The following POLR1B variants were observed in gnomAD, a reference collection of about 807,000 sequenced individuals.
POLR1B encodes the protein RNA polymerase I subunit B.
Under a neutral mutation model 105.8 loss-of-function variants are expected in POLR1B, and 30 were observed. The observed-to-expected ratio is 0.28, with a 90% confidence interval of 0.21 to 0.38. The LOEUF (loss-of-function observed/expected upper bound fraction) is 0.38. POLR1B is among the 10% of genes least tolerant of loss of function. The probability of loss-of-function intolerance (pLI) is 1.00; values close to 1 mark genes in which losing one functional copy is unlikely to be tolerated. For missense variants in POLR1B, 976 were observed against 1,435.8 expected (o/e 0.68, Z 5.17); for synonymous variants, 485 against 505.1 (o/e 0.96, Z 0.53).
intron 1 of POLR1B, chr2:112,545,702 T>A: frequency 6.1e-6 from 1 of 163,824 alleles, no homozygotes; most frequent in South Asian, 1.2e-4. Flanking sequence ...TGCAGTGGCA[T>A]GGTTATAGCT....
chr2:112,564,634 G>T lies in POLR1B; in HGVS notation c.1746+135G>T, dbSNP rs533781532. ...GGGTCACAATGTCCAGAATGCCTGT[G>T]CATTCCCTCTGGTGACAGAGGCTTG... On this transcript the variant is annotated intron_variant, in intron 10 of 14. Transcript: ENST00000263331. 7 of 1,212,904 alleles carry T rather than the reference G, an allele frequency of 5.8e-6. No individual in the cohort carries two copies. The African/African-American group carries it at 9.0e-5, about 16-fold the overall frequency. 75.1% of individuals were successfully genotyped at this position (1,212,904 alleles called of 1,614,324 possible). A position where few individuals can be genotyped will look rare whatever the true frequency, so the allele number is the denominator to read the frequency against.
chr2:112,548,702 T>G (rs1321443713), intron 3 of POLR1B, among the ~76,000 whole-genome samples: 1 of 151,762 alleles, frequency 6.6e-6, no homozygotes, highest in Non-Finnish European at 1.5e-5. Context: ...AAGCTCCGCC[T>G]CCTGGGTTCA....
chr2:112,556,285 G>A (rs1047390381), intron 7 of POLR1B, among the ~76,000 whole-genome samples: 2 of 152,198 alleles, frequency 1.3e-5, no homozygotes, highest in African/African-American at 4.8e-5. Context: ...TGTTGGGTGA[G>A]CTAACAGCTT....
At position 112,575,025 on chromosome 2, in the gene POLR1B, A is replaced by T. The variant is rs1345817413; in HGVS notation, c.2704A>T (p.Met902Leu). 1.2e-6 allele frequency: 2 copies of T among 1,614,204 alleles called. No individual in the cohort carries two copies. The highest frequency in any genetic ancestry group is 1.7e-6 in the Non-Finnish European group (2 of 1,180,040). Residue 902 changes from methionine to leucine, a missense_variant, in exon 15 of 15, where the codon ATG becomes TTG. By Grantham distance (15) the Met-to-Leu change is conservative (BLOSUM62 2). Coordinates refer to ENST00000263331, the MANE Select transcript of POLR1B (RefSeq NM_019014.6). The surrounding 1 kb of genome is among the most constrained non-coding windows in gnomAD (Gnocchi z 5.3). ...AAGCAGATTGTGGCCGGCTGAGGAC[A>T]TGCCTTTTACTGAGAGTGGGATGGT... Reference protein sequence around the residue: ...ILSRLWPAEDMPFTESGMVPD... With the variant: ...ILSRLWPAEDLPFTESGMVPD...
intron 9 of POLR1B, among the ~76,000 whole-genome samples, chr2:112,561,587 G>A (rs375683219): frequency 3.9e-5 from 6 of 151,956 alleles, no homozygotes; most frequent in African/African-American, 1.2e-4. Context: ...TTCAAGCCTC[G>A]GGTTACAACA....
At chr2:112,574,755 A>G (rs1684781803) in intron 14 of POLR1B, 92 bp from the exon 15 acceptor site, 1 of 1,155,274 alleles carries the variant, frequency 8.7e-7, no homozygotes. Flanking sequence ...AGTTTTACAA[A>G]TATCCTTTAT....
At chr2:112,553,376 T>C (rs575709828) in intron 7 of POLR1B, 1 of 152,432 alleles carries the variant, frequency 6.6e-6, no homozygotes, top group South Asian at 2.1e-4. Context: ...TTTGTTTTTT[T>C]TTGAGACAGG....
chr2:112,561,741 T>G (rs555450396), intron 9 of POLR1B, among the ~76,000 whole-genome samples: 1 of 152,330 alleles, frequency 6.6e-6, no homozygotes, highest in African/African-American at 2.4e-5. Flanking sequence ...ACACACATGT[T>G]TTTCTGTTAG....
intron 1 of POLR1B, among the ~76,000 whole-genome samples, chr2:112,543,651 A>C (rs1163716605): frequency 6.6e-6 from 1 of 152,134 alleles, no homozygotes; most frequent in Non-Finnish European, 1.5e-5. Context: ...TTTGATTGCC[A>C]GTCTGATTCT....
At position 112,578,614 on chromosome 2, in the gene POLR1B, T is replaced by C. The variant is rs1684968722; in HGVS notation, c.*2885T>C. On this transcript the variant is annotated 3_prime_UTR_variant, in exon 15 of 15. Coordinates refer to ENST00000263331, the MANE Select transcript of POLR1B (RefSeq NM_019014.6). ...TTTGGTTGTTTCCAGTTTGGGGGCATTAACAATAAAGCTGATCTGAACAAT... is the reference window on the plus strand; with the variant it reads ...TTTGGTTGTTTCCAGTTTGGGGGCACTAACAATAAAGCTGATCTGAACAAT... Among the ~76,000 whole-genome samples the C allele has an allele frequency of 6.6e-6, 1 of 152,164 alleles. No individual in the cohort carries two copies. Among genetic ancestry groups the C allele is most frequent in the Non-Finnish European group, 1.5e-5 (1 of 68,030 alleles).
At chr2:112,546,620 G>A (rs1195484568) in intron 1 of POLR1B, among the ~76,000 whole-genome samples, 1 of 125,742 alleles carries the variant, frequency 8.0e-6, no homozygotes, top group Non-Finnish European at 1.6e-5. Context: ...GGAGTGCAGT[G>A]GCGTGATCTC....
intron 9 of POLR1B, among the ~76,000 whole-genome samples, chr2:112,561,359 A>G (rs1256026162): frequency 6.6e-6 from 1 of 152,180 alleles, no homozygotes; most frequent in Non-Finnish European, 1.5e-5. Context: ...TTCGATAGAG[A>G]TGTTCATATT....
At chr2:112,547,301 T>C in intron 2 of POLR1B, 120 bp from the exon 3 acceptor site, 2 of 1,485,622 alleles carry the variant, frequency 1.3e-6, no homozygotes, top group Non-Finnish European at 1.8e-6. Context: ...GATCCCACCT[T>C]CTAAATCTAA....
Position 112,576,017 on chromosome 2 carries a change from TTCC to T in POLR1B, c.*289_*291del. ...GACAAGTCTCCTTTCCAACCCCAGG[TTCC>T]CTACACCCTGCTCTCAGCAGGCAGT... On this transcript the variant is annotated 3_prime_UTR_variant, in exon 15 of 15. Coordinates refer to ENST00000263331, the MANE Select transcript of POLR1B (RefSeq NM_019014.6). 2.6e-6 allele frequency: 1 copy of T among 386,134 alleles called. No individual in the cohort carries two copies. Among genetic ancestry groups the T allele is most frequent in the South Asian group, 2.5e-5 (1 of 39,508 alleles). 23.9% of individuals were successfully genotyped at this position (386,134 alleles called of 1,614,324 possible). A position where few individuals can be genotyped will look rare whatever the true frequency, so the allele number is the denominator to read the frequency against.
intron 13 of POLR1B, 144 bp downstream of exon 13, chr2:112,572,902 C>A: frequency 1.5e-6 from 1 of 686,760 alleles, no homozygotes; most frequent in Non-Finnish European, 2.3e-6. Context: ...AGTTCTTAGT[C>A]TAAGTTGAAA....
chr2:112,573,697 G>A lies in POLR1B; in HGVS notation c.2407G>A (p.Val803Ile), dbSNP rs779282177. The change falls in exon 14 of 15, where the codon GTT (valine) becomes ATT (isoleucine). Residue 803 changes from valine (V) to isoleucine (I), a missense_variant. Physicochemically the swap from Val to Ile is conservative, Grantham distance 29. Coordinates refer to ENST00000263331, the MANE Select transcript of POLR1B (RefSeq NM_019014.6). ...VFGIKPGDPR[V>I]LQKLDDDGLP... is the part of the protein sequence containing the mutation. ...TGGCATCAAACCTGGTGACCCACGC[G>A]TTCTGCAGAAGTTAGATGACGATGG... 25 of 1,614,092 alleles carry A rather than the reference G, an allele frequency of 1.5e-5. No individual in the cohort carries two copies. Among genetic ancestry groups the A allele is most frequent in the African/African-American group, 9.3e-5 (7 of 74,934 alleles).
At chr2:112,559,074 C>G (rs965491594) in intron 8 of POLR1B, among the ~76,000 whole-genome samples, 1 of 152,100 alleles carries the variant, frequency 6.6e-6, no homozygotes, top group Non-Finnish European at 1.5e-5. Context: ...ATAGAGGAGA[C>G]AGGGAACTAG....
upstream of POLR1B, chr2:112,542,194 G>T: frequency 6.5e-7 from 1 of 1,535,716 alleles, no homozygotes; most frequent in Non-Finnish European, 8.7e-7. Context: ...GCGGGGAGCG[G>T]GTTTCCACCT....
Position 112,547,260 on chromosome 2 carries a change from G to A in POLR1B, c.345+81G>A, listed in dbSNP as rs1683107357. On this transcript the variant is annotated intron_variant, in intron 2 of 14. Coordinates refer to ENST00000263331, the MANE Select transcript of POLR1B (RefSeq NM_019014.6). ...CGGGTGCCTAATAAAGTTTATGCCA[G>A]AAATTGCTTTCTTGGTGCTATTGTC... 2.6e-6 allele frequency: 4 copies of A among 1,544,022 alleles called. No individual in the cohort carries two copies. The East Asian group carries it at 9.1e-5, about 35-fold the overall frequency.
Sources: gnomAD v4.1 joint callset for allele counts (sites outside exome capture counted in the v4.1 genomes callset) on GRCh38, gnomAD v4.1.1 for gene constraint, Gnocchi (gnomAD v3.1) non-coding constraint, MANE v1.5 for transcripts, NCBI Gene and HGNC (gene_info 2026-07-23, HGNC 2026-07-21) for gene names.